FAAH: variants seen among roughly 807,000 people sequenced by gnomAD.
The protein encoded by FAAH is fatty acid amide hydrolase.
In FAAH, 63 loss-of-function variants were observed where a neutral mutation model predicts 69.7. That is an observed-to-expected ratio of 0.90 (90% CI 0.74 to 1.12). FAAH has a LOEUF of 1.12. FAAH is among the 50% of genes most tolerant of loss of function. The probability of loss-of-function intolerance (pLI) is 0.00; values close to 1 mark genes in which losing one functional copy is unlikely to be tolerated. For synonymous variants in FAAH, 305 were observed against 324.2 expected (o/e 0.94, Z 0.64); for missense variants, 680 against 755.0 (o/e 0.90, Z 1.16).
At chr1:46,408,432 C>T (rs200962333) in intron 7 of FAAH, 27 bp from the exon 8 acceptor site, 191 of 1,613,844 alleles carry the variant, frequency 1.2e-4, no homozygotes, top group Non-Finnish European at 1.6e-4. Flanking sequence ...TCCTGACCTG[C>T]CCCTGTCCCC....
At chr1:46,409,253 G>C in intron 9 of FAAH, 55 bp downstream of exon 9, 3 of 1,394,662 alleles carry the variant, frequency 2.2e-6, no homozygotes, top group East Asian at 4.6e-5. Flanking sequence ...AGGCAGACCT[G>C]GGGGAGCAGC....
intron 1 of FAAH, among the ~76,000 whole-genome samples, chr1:46,400,678 G>A (rs548723170): frequency 1.3e-5 from 2 of 148,586 alleles, no homozygotes; most frequent in East Asian, 4.1e-4. Flanking sequence ...GACAGGGAAG[G>A]TGGACAGGTG....
intron 2 of FAAH, among the ~76,000 whole-genome samples, chr1:46,403,792 C>T (rs1352743961): frequency 6.6e-6 from 1 of 152,262 alleles, no homozygotes; most frequent in Non-Finnish European, 1.5e-5. Context: ...CATTTCTCAT[C>T]ACAGTGTCAG....
chr1:46,406,484 G>C (rs534735578), intron 7 of FAAH, 116 bp downstream of exon 7: 192 of 1,467,606 alleles, frequency 1.3e-4, no homozygotes, highest in Non-Finnish European at 1.6e-4. Flanking sequence ...AGGCCTCTGA[G>C]GCCAGGGCGG....
At chr1:46,413,350 C>T in intron 14 of FAAH, 97 bp from the exon 15 acceptor site, 3 of 1,609,746 alleles carry the variant, frequency 1.9e-6, no homozygotes, top group Non-Finnish European at 2.5e-6. Context: ...ATGGCCTGGC[C>T]CTACGTTGTG....
chr1:46,413,364 T>C, intron 14 of FAAH, 83 bp from the exon 15 acceptor site: 2 of 1,610,884 alleles, frequency 1.2e-6, no homozygotes, highest in South Asian at 1.1e-5. Context: ...CGTTGTGGCC[T>C]CTCTCTAGCT....
chr1:46,411,303 C>T lies in FAAH; in HGVS notation c.1317-309C>T, dbSNP rs997324244. ...TGCCCTGACGTCCCATGGACTCACT[C>T]CTTCCCTTACCACCAGGCTTCAGGA... On this transcript the variant is annotated intron_variant, in intron 11 of 14. Coordinates refer to ENST00000243167, the MANE Select transcript of FAAH (RefSeq NM_001441.3). The surrounding 1 kb of genome is among the most constrained non-coding windows in gnomAD (Gnocchi z 4.8). 2.0e-5 allele frequency among the ~76,000 whole-genome samples: 3 copies of T among 152,222 alleles called. No individual in the cohort carries two copies. Among genetic ancestry groups the T allele is most frequent in the Non-Finnish European group, 4.4e-5 (3 of 68,040 alleles).
Position 46,410,810 on chromosome 1 carries a change from G to A in FAAH, c.1276-4G>A. On this transcript the variant is annotated splice_region_variant and splice_polypyrimidine_tract_variant and intron_variant, in intron 10 of 14. Coordinates refer to ENST00000243167, the MANE Select transcript of FAAH (RefSeq NM_001441.3). This position sits in a 1 kb window ranked among gnomAD's most constrained non-coding sequence, Gnocchi z 4.9. ...GTCACCGACCCTGCGTCTGTCCTGT[G>A]CAGCTGCCAAGGCTGTCAGCTTTCC... The A allele has an allele frequency of 6.2e-7, 1 of 1,614,212 alleles. No homozygotes were observed. The highest frequency in any genetic ancestry group is 8.5e-7 in the Non-Finnish European group (1 of 1,180,038).
At chr1:46,412,100 C>A in intron 12 of FAAH, 43 bp from the exon 13 acceptor site, 1 of 1,509,098 alleles carries the variant, frequency 6.6e-7, no homozygotes, top group Non-Finnish European at 9.0e-7. Flanking sequence ...CTGGGGTGGG[C>A]TAGGTCTGAG....
chr1:46,412,529 G>T (rs1557762415), intron 13 of FAAH, among the ~76,000 whole-genome samples: 1 of 152,160 alleles, frequency 6.6e-6, no homozygotes. Flanking sequence ...AGAAAATAGG[G>T]GCCAGGGCGG....
intron 1 of FAAH, among the ~76,000 whole-genome samples, chr1:46,397,199 A>G (rs1304911236): frequency 1.3e-5 from 2 of 152,234 alleles, no homozygotes; most frequent in African/African-American, 2.4e-5. Context: ...CGTGGGCAGC[A>G]CTAGCAGGGA....
At chr1:46,395,193 G>T (rs925427340) in intron 1 of FAAH, among the ~76,000 whole-genome samples, 8 of 152,154 alleles carry the variant, frequency 5.3e-5, no homozygotes, top group African/African-American at 1.9e-4. Flanking sequence ...CACCTGCCTC[G>T]GCCTCCCAAA....
Position 46,412,262 on chromosome 1 carries a change from A to G in FAAH, c.1465+11A>G, listed in dbSNP as rs1372859058. The G allele has an allele frequency of 6.5e-7, 1 of 1,538,858 alleles. No individual in the cohort carries two copies. Among genetic ancestry groups the G allele is most frequent in the Non-Finnish European group, 8.8e-7 (1 of 1,135,690 alleles). On this transcript the variant is annotated intron_variant, in intron 13 of 14. Transcript: ENST00000243167. ...CAGGCAGGGCCACAGGTGAGGCCCG[A>G]CACCCTGCCTGTCCCTTCTGTGAAT...
rs1167411241 is a variant in FAAH at position 46,410,464 on chromosome 1, T to C, written c.1242T>C (p.Leu414=). The change falls in exon 10 of 15, where the codon CTT becomes CTC. Residue 414 remains leucine, a synonymous_variant. Transcript: ENST00000243167. The surrounding 1 kb of genome is among the most constrained non-coding windows in gnomAD (Gnocchi z 4.9). The part of the protein sequence containing the change: ...LVSILKLPQW[L]KGLLAFLVKP... ...CAATTCTGAAGCTTCCCCAATGGCTTAAAGGACTGCTGGCCTTCCTGGTGA... is the reference window on the plus strand; with the variant it reads ...CAATTCTGAAGCTTCCCCAATGGCTCAAAGGACTGCTGGCCTTCCTGGTGA... 2 of 1,614,056 alleles carry C rather than the reference T, an allele frequency of 1.2e-6. No homozygotes were observed. The highest frequency in any genetic ancestry group is 3.3e-5 in the Admixed American group (2 of 60,018).
intron 8 of FAAH, 148 bp from the exon 9 acceptor site, chr1:46,408,953 T>A (rs972116307): frequency 1.4e-6 from 1 of 733,050 alleles, no homozygotes; most frequent in African/African-American, 1.7e-5. Context: ...TGAGTTTTCA[T>A]GGGTCAGTAA....
chr1:46,412,580 C>G (rs1252254706), intron 13 of FAAH, among the ~76,000 whole-genome samples: 1 of 152,160 alleles, frequency 6.6e-6, no homozygotes, highest in African/African-American at 2.4e-5. Context: ...GAGGCTGAGG[C>G]TGGAGGATCA....
Position 46,402,121 on chromosome 1 carries a change from G to T in FAAH, c.226G>T (p.Ala76Ser), listed in dbSNP as rs1438478893. The change falls in exon 2 of 15, where the codon GCC becomes TCC. Residue 76 changes from alanine (A) to serine (S), a missense_variant. Transcript: ENST00000243167. ...AGACCTGGACTCAGAGGCGCTGCTA[G>T]CCCTGCCCCTGCCTCAGCTGGTGCA... ...NPDLDSEALL[A>S]LPLPQLVQKL... The T allele has an allele frequency of 1.2e-6, 2 of 1,609,958 alleles. No homozygotes were observed. The highest frequency in any genetic ancestry group is 1.7e-6 in the Non-Finnish European group (2 of 1,178,194).
Position 46,406,074 on chromosome 1 carries a change from G to A in FAAH, c.822G>A (p.Glu274=), listed in dbSNP as rs41305628. Residue 274 remains glutamate, a synonymous_variant, in exon 6 of 15, where the codon GAG becomes GAA. Transcript: ENST00000243167. ...TGAAGGGCTGTGTCTATGGACAGGAGGCAGGTGAGGTCCGTGGTGCTCTCA... is the reference window on the plus strand; with the variant it reads ...TGAAGGGCTGTGTCTATGGACAGGAAGCAGGTGAGGTCCGTGGTGCTCTCA... ...SGLKGCVYGQ[E]AVRLSVGPMA... The A allele has an allele frequency of 0.044, 70,919 of 1,614,138 alleles. 1,855 individuals carry two copies. The highest frequency in any genetic ancestry group is 0.051 in the Non-Finnish European group (60,560 of 1,179,992).
intron 12 of FAAH, 26 bp from the exon 13 acceptor site, chr1:46,412,117 C>G: frequency 2.6e-6 from 4 of 1,546,544 alleles, no homozygotes; most frequent in Non-Finnish European, 3.5e-6. Context: ...TGAGTGCTTT[C>G]ACCTGGTGTG....
Sources: gnomAD v4.1 joint callset for allele counts (sites outside exome capture counted in the v4.1 genomes callset) on GRCh38, gnomAD v4.1.1 for gene constraint, Gnocchi (gnomAD v3.1) non-coding constraint, MANE v1.5 for transcripts, NCBI Gene and HGNC (gene_info 2026-07-23, HGNC 2026-07-21) for gene names.